The following PRIM2 variants were observed in gnomAD, a reference collection of about 807,000 sequenced individuals.
PRIM2 encodes the protein DNA primase subunit 2.
A neutral mutation model predicts 67.3 loss-of-function variants in PRIM2; 39 were observed. The observed-to-expected ratio is 0.58, with a 90% CI of 0.45 to 0.76. The LOEUF is 0.76. Among genes scored for constraint, PRIM2 ranks in the 30% least tolerant of loss-of-function variants. The pLI, the probability that PRIM2 is intolerant of heterozygous loss-of-function variation, is 0.00. For missense variants in PRIM2, 398 were observed against 598.7 expected, an observed-to-expected ratio of 0.66 and a Z score of 3.50; for synonymous variants, 143 against 198.7, an observed-to-expected ratio of 0.72 and a Z score of 2.36.
chr6:57,225,336 T>G, the PRIM2 span, among the ~76,000 whole-genome samples: 12 of 152,208 alleles, frequency 7.9e-5, no homozygotes, highest in African/African-American at 2.9e-4. Flanking sequence ...TCAGTGCAAT[T>G]AAAGTCTACT....
At chr6:57,580,699 A>C (rs2127484895) in intron 10 of PRIM2, among the ~76,000 whole-genome samples, 1 of 152,308 alleles carries the variant, frequency 6.6e-6, no homozygotes, top group Non-Finnish European at 1.5e-5. Flanking sequence ...GAATTCTTTC[A>C]AGGTTTTATA....
the PRIM2 span, among the ~76,000 whole-genome samples, chr6:57,225,381 G>A: frequency 6.6e-6 from 1 of 152,196 alleles, no homozygotes; most frequent in Non-Finnish European, 1.5e-5. Flanking sequence ...CAAGGACACA[G>A]CAGAGATTCT....
intron 12 of PRIM2, among the ~76,000 whole-genome samples, chr6:57,607,199 A>G (rs1776579601): frequency 6.6e-6 from 1 of 152,322 alleles, no homozygotes. Context: ...TGTTATTTTT[A>G]TTTAAAGAAA....
rs556132935 is a variant in PRIM2 at position 57,347,936 on chromosome 6, A to G, written c.459+21891A>G. 4.9e-3 allele frequency among the ~76,000 whole-genome samples: 740 copies of G among 152,352 alleles called. 9 individuals carry two copies. The highest frequency in any genetic ancestry group is 0.017 in the African/African-American group (710 of 41,572). ...GAAGTGGAATAGATGCTGACATTTA[A>G]GGTGACAGGGCCCATCAAAAGTGCT... On this transcript the variant is annotated intron_variant, in intron 5 of 13. Transcript: ENST00000615550.
intron 5 of PRIM2, among the ~76,000 whole-genome samples, chr6:57,334,451 G>A (rs546420075): frequency 1.3e-5 from 2 of 152,196 alleles, no homozygotes; most frequent in South Asian, 4.2e-4. Flanking sequence ...GGAACATATG[G>A]TGGTTCTATT....
At chr6:57,237,525 C>T in the PRIM2 span, among the ~76,000 whole-genome samples, 1 of 152,144 alleles carries the variant, frequency 6.6e-6, no homozygotes, top group Non-Finnish European at 1.5e-5. Flanking sequence ...CCTAGGTTTT[C>T]TTCTAGGGTT....
chr6:57,423,678 C>T (rs1386983600), intron 7 of PRIM2, among the ~76,000 whole-genome samples: 1 of 152,216 alleles, frequency 6.6e-6, no homozygotes, highest in Admixed American at 6.5e-5. Flanking sequence ...GCCAATTAAA[C>T]TTGGTATGTG....
chr6:57,456,601 G>T (rs188419797), intron 7 of PRIM2, among the ~76,000 whole-genome samples: 1 of 151,822 alleles, frequency 6.6e-6, no homozygotes, highest in Non-Finnish European at 1.5e-5. Flanking sequence ...TTGTGCATTC[G>T]TCACGTAGTT....
intron 8 of PRIM2, among the ~76,000 whole-genome samples, chr6:57,526,288 C>T (rs1774751445): frequency 6.6e-6 from 1 of 152,038 alleles, no homozygotes; most frequent in South Asian, 2.1e-4. Context: ...GATATTTCAC[C>T]CTTAATGCCT....
At chr6:57,255,056 T>C in the PRIM2 span, among the ~76,000 whole-genome samples, 2 of 152,332 alleles carry the variant, frequency 1.3e-5, no homozygotes, top group South Asian at 4.1e-4. Flanking sequence ...CCTCTCATTA[T>C]TGGGCTGCGA....
At chr6:57,480,856 G>T (rs1181744654) in intron 7 of PRIM2, among the ~76,000 whole-genome samples, 1 of 152,088 alleles carries the variant, frequency 6.6e-6, no homozygotes. Flanking sequence ...TCCATTTCCT[G>T]ACCTTGTGAT....
intron 10 of PRIM2, among the ~76,000 whole-genome samples, chr6:57,559,587 A>G (rs1160242868): frequency 6.6e-6 from 1 of 152,198 alleles, no homozygotes; most frequent in East Asian, 1.9e-4. Context: ...TACATAGGAT[A>G]CTTGACGGGA....
At chr6:57,378,433 T>G (rs12208610) in intron 5 of PRIM2, among the ~76,000 whole-genome samples, 6 of 152,222 alleles carry the variant, frequency 3.9e-5, no homozygotes, top group Non-Finnish European at 8.8e-5. Flanking sequence ...TGTCTTTTAT[T>G]TCTGTACACA....
At chr6:57,589,429 G>C (rs1776247302) in intron 10 of PRIM2, among the ~76,000 whole-genome samples, 1 of 152,020 alleles carries the variant, frequency 6.6e-6, no homozygotes, top group African/African-American at 2.4e-5. Context: ...GCAGATGGTG[G>C]AAGAGAGTTT....
the PRIM2 span, among the ~76,000 whole-genome samples, chr6:57,251,036 C>T: frequency 6.6e-6 from 1 of 152,120 alleles, no homozygotes. Flanking sequence ...GGATACTCAA[C>T]CTGTAGTTGT....
chr6:57,343,920 TAA>T, intron 5 of PRIM2, among the ~76,000 whole-genome samples: 1 of 152,106 alleles, frequency 6.6e-6, no homozygotes, highest in East Asian at 1.9e-4. Flanking sequence ...GGAAAATTAT[TAA>T]GAGGTAGTAA....
At chr6:57,579,404 T>C (rs1434585804) in intron 10 of PRIM2, among the ~76,000 whole-genome samples, 1 of 152,200 alleles carries the variant, frequency 6.6e-6, no homozygotes, top group African/African-American at 2.4e-5. Flanking sequence ...CGGTATAGTC[T>C]TCTATTATTT....
At chr6:57,640,835 A>G (rs1280490511) in intron 13 of PRIM2, among the ~76,000 whole-genome samples, 26 of 152,198 alleles carry the variant, frequency 1.7e-4, no homozygotes, top group Admixed American at 3.3e-4. Flanking sequence ...TGCTATCCCT[A>G]TCAAGCTACC....
chr6:57,434,949 A>ATT lies in PRIM2; in HGVS notation c.693+52791_693+52792dup, dbSNP rs60461511. 974 of 146,880 alleles carry ATT rather than the reference A, an allele frequency of 6.6e-3. 7 individuals are homozygous for ATT. The highest frequency in any genetic ancestry group is 8.3e-3 in the Non-Finnish European group (552 of 66,656). 9.1% of individuals were successfully genotyped at this position (146,880 alleles called of 1,614,324 possible). ...GCCACCATACTCAGCTGATTTTTGT[A>ATT]TTTTTTTTTTTGTTTTTGTAGATAT... is the stretch of plus-strand genomic sequence containing the variant. On this transcript the variant is annotated intron_variant, in intron 7 of 13. Coordinates refer to ENST00000615550, the MANE Select transcript of PRIM2 (RefSeq NM_000947.5).
Sources: allele counts gnomAD v4.1 joint callset (sites outside exome capture counted in the v4.1 genomes callset), GRCh38; gene constraint gnomAD v4.1.1; transcripts MANE v1.5; gene names NCBI Gene and HGNC (gene_info 2026-07-23, HGNC 2026-07-21).